The following NSMCE2 variants were observed in gnomAD, a reference collection of about 807,000 sequenced individuals.
NSMCE2 encodes NSE2 SUMO ligase component of SMC5/6 complex, also known as E3 SUMO-protein ligase NSE2.
NSMCE2 carries 24 observed loss-of-function variants against 23.8 expected under a neutral mutation model. The observed-to-expected ratio is 1.01, with a 90% CI of 0.73 to 1.42. The LOEUF (loss-of-function observed/expected upper bound fraction) is 1.42. Among genes scored for constraint, NSMCE2 ranks in the 40% most tolerant of loss-of-function variants. NSMCE2 has a pLI of 0.00. For synonymous variants in NSMCE2, 92 were observed against 94.1 expected (o/e 0.98, Z 0.13); for missense variants, 284 against 296.5 (o/e 0.96, Z 0.31).
At chr8:125,100,090 G>C (rs1184319752) in intron 1 of NSMCE2, among the ~76,000 whole-genome samples, 1 of 152,028 alleles carries the variant, frequency 6.6e-6, no homozygotes, top group Non-Finnish European at 1.5e-5. Context: ...GAGTGTATGA[G>C]AACTGATGCT....
intron 7 of NSMCE2, among the ~76,000 whole-genome samples, chr8:125,363,484 G>A (rs1813645039): frequency 6.8e-6 from 1 of 147,652 alleles, no homozygotes; most frequent in South Asian, 2.2e-4. Context: ...CTGGGTGACA[G>A]AATGAGACCC....
chr8:125,337,115 C>G (rs1830084170), intron 5 of NSMCE2, among the ~76,000 whole-genome samples: 1 of 152,142 alleles, frequency 6.6e-6, no homozygotes, highest in South Asian at 2.1e-4. Context: ...TGGGGTTAGC[C>G]TATATTAGGT....
chr8:125,185,333 G>C (rs1440315659), intron 5 of NSMCE2, among the ~76,000 whole-genome samples: 3 of 151,642 alleles, frequency 2.0e-5, no homozygotes, highest in African/African-American at 7.3e-5. Flanking sequence ...TTGAGACAGA[G>C]TCTCGCTTTG....
At chr8:125,103,809 A>G (rs955472990) in intron 3 of NSMCE2, among the ~76,000 whole-genome samples, 2 of 151,940 alleles carry the variant, frequency 1.3e-5, no homozygotes, top group African/African-American at 4.8e-5. Flanking sequence ...TGTTGAAGAC[A>G]TAACAAAGAA....
At chr8:125,240,141 T>TC (rs1011871832) in intron 5 of NSMCE2, among the ~76,000 whole-genome samples, 7 of 151,160 alleles carry the variant, frequency 4.6e-5, no homozygotes, top group African/African-American at 1.7e-4. Flanking sequence ...TTTTTTTTTT[T>TC]TTGAGACGGA....
At chr8:125,213,159 T>C (rs1051576562) in intron 5 of NSMCE2, among the ~76,000 whole-genome samples, 6 of 152,172 alleles carry the variant, frequency 3.9e-5, no homozygotes, top group Non-Finnish European at 8.8e-5. Context: ...ATGTTGAACA[T>C]TTGTACCCTT....
At chr8:125,172,640 G>C (rs1446905678) in intron 4 of NSMCE2, among the ~76,000 whole-genome samples, 2 of 152,162 alleles carry the variant, frequency 1.3e-5, no homozygotes, top group Non-Finnish European at 1.5e-5. Context: ...TCTACAACTA[G>C]TGAGCCAGCA....
chr8:125,339,869 G>C (rs1830177222), intron 5 of NSMCE2, among the ~76,000 whole-genome samples: 1 of 152,170 alleles, frequency 6.6e-6, no homozygotes, highest in Non-Finnish European at 1.5e-5. Flanking sequence ...TGGGAAATGG[G>C]AGGTGGTCAG....
At chr8:125,126,590 A>G (rs1201766267) in intron 3 of NSMCE2, among the ~76,000 whole-genome samples, 1 of 152,112 alleles carries the variant, frequency 6.6e-6, no homozygotes, top group African/African-American at 2.4e-5. Flanking sequence ...CGAAAGTCCT[A>G]TTTGCTGCTG....
chr8:125,349,103 A>G (rs1024701250), intron 5 of NSMCE2, among the ~76,000 whole-genome samples: 36 of 151,872 alleles, frequency 2.4e-4, no homozygotes, highest in African/African-American at 8.5e-4. Flanking sequence ...AGCCTGCTGA[A>G]TATCTCTTTT....
chr8:125,159,300 A>G (rs1163837108), intron 4 of NSMCE2, among the ~76,000 whole-genome samples: 2 of 152,246 alleles, frequency 1.3e-5, no homozygotes, highest in African/African-American at 2.4e-5. Context: ...GTCATGAACC[A>G]CATAACAATA....
At chr8:125,361,170 C>A (rs1384156755) in intron 7 of NSMCE2, among the ~76,000 whole-genome samples, 1 of 150,782 alleles carries the variant, frequency 6.6e-6, no homozygotes, top group Non-Finnish European at 1.5e-5. Context: ...CAGGTTCAAG[C>A]AATTCTCGTG....
intron 5 of NSMCE2, among the ~76,000 whole-genome samples, chr8:125,305,676 C>G (rs962129822): frequency 2.6e-5 from 4 of 152,166 alleles, no homozygotes; most frequent in Admixed American, 6.5e-5. Flanking sequence ...AAGGGGGATG[C>G]CAACCTAGTT....
intron 5 of NSMCE2, among the ~76,000 whole-genome samples, chr8:125,232,067 A>G (rs1825345651): frequency 6.6e-6 from 1 of 152,230 alleles, no homozygotes; most frequent in African/African-American, 2.4e-5. Flanking sequence ...GATGATGAAC[A>G]TGAAAGTGCT....
intron 5 of NSMCE2, among the ~76,000 whole-genome samples, chr8:125,223,562 A>G (rs974687796): frequency 6.6e-6 from 1 of 152,192 alleles, no homozygotes; most frequent in Admixed American, 6.5e-5. Flanking sequence ...ACTGTTTTTC[A>G]TAATAGCTGT....
At chr8:125,224,009 T>G (rs1291749333) in intron 5 of NSMCE2, among the ~76,000 whole-genome samples, 1 of 152,008 alleles carries the variant, frequency 6.6e-6, no homozygotes, top group Non-Finnish European at 1.5e-5. Context: ...GCTAATTTTT[T>G]TAAATTTTTA....
At chr8:125,364,143 C>T (rs930764636) in intron 7 of NSMCE2, among the ~76,000 whole-genome samples, 1 of 152,064 alleles carries the variant, frequency 6.6e-6, no homozygotes, top group Admixed American at 6.6e-5. Context: ...AGGGTTTCGC[C>T]ATGTTGGCCA....
At chr8:125,093,296 C>G (rs920292410) in intron 1 of NSMCE2, among the ~76,000 whole-genome samples, 1 of 152,152 alleles carries the variant, frequency 6.6e-6, no homozygotes, top group African/African-American at 2.4e-5. Flanking sequence ...GCCCCACCTC[C>G]TAATACCATC....
At chr8:125,144,124 C>G (rs1452826086) in intron 3 of NSMCE2, among the ~76,000 whole-genome samples, 1 of 152,138 alleles carries the variant, frequency 6.6e-6, no homozygotes, top group Non-Finnish European at 1.5e-5. Context: ...GTTGAGGGAT[C>G]TTATTTGGCT....
Sources: gnomAD v4.1 joint callset for allele counts (sites outside exome capture counted in the v4.1 genomes callset) on GRCh38, gnomAD v4.1.1 for gene constraint, MANE v1.5 for transcripts, NCBI Gene and HGNC (gene_info 2026-07-23, HGNC 2026-07-21) for gene names.